Variants in RALGPS1 observed in about 807,000 individuals in gnomAD.
RALGPS1 encodes Ral GEF with PH domain and SH3 binding motif 1.
Under a neutral mutation model 78.8 loss-of-function variants are expected in RALGPS1, and 19 were observed. The observed-to-expected ratio is 0.24, with a 90% confidence interval of 0.17 to 0.35. RALGPS1 has a LOEUF of 0.35. RALGPS1 is among the 10% of genes least tolerant of loss of function. The pLI, the probability that RALGPS1 is intolerant of heterozygous loss-of-function variation, is 1.00. For synonymous variants in RALGPS1, 228 were observed against 256.3 expected (o/e 0.89, Z 1.06); for missense variants, 454 against 688.3 (o/e 0.66, Z 3.81).
At chr9:127,020,478 CA>C (rs2045337979) in intron 4 of RALGPS1, among the ~76,000 whole-genome samples, 1 of 152,122 alleles carries the variant, frequency 6.6e-6, no homozygotes, top group Non-Finnish European at 1.5e-5. Flanking sequence ...TGCAGAAAAC[CA>C]AAGTAATAAA....
At chr9:127,173,150 G>C (rs1275693710) in intron 10 of RALGPS1, among the ~76,000 whole-genome samples, 1 of 152,216 alleles carries the variant, frequency 6.6e-6, no homozygotes, top group African/African-American at 2.4e-5. Context: ...TTTCACATAT[G>C]TGTGTTCTGG....
chr9:127,118,095 A>G (rs901174291), intron 8 of RALGPS1, among the ~76,000 whole-genome samples: 2 of 152,178 alleles, frequency 1.3e-5, no homozygotes, highest in Non-Finnish European at 2.9e-5. Flanking sequence ...TTGCTCTATC[A>G]CCAGACTGGA....
chr9:127,021,627 C>CTTTTT (rs58796181), intron 4 of RALGPS1, among the ~76,000 whole-genome samples: 1 of 131,998 alleles, frequency 7.6e-6, no homozygotes, highest in Admixed American at 7.5e-5. Context: ...TCTTCTTCTT[C>CTTTTT]TTTTTTTTTT....
At chr9:127,056,987 A>G (rs1214455769) in intron 7 of RALGPS1, among the ~76,000 whole-genome samples, 1 of 152,206 alleles carries the variant, frequency 6.6e-6, no homozygotes, top group Non-Finnish European at 1.5e-5. Flanking sequence ...CAGCCATAAC[A>G]TCCCCAAAGG....
At chr9:126,985,407 T>C (rs898005577) in intron 4 of RALGPS1, among the ~76,000 whole-genome samples, 1 of 152,168 alleles carries the variant, frequency 6.6e-6, no homozygotes, top group Non-Finnish European at 1.5e-5. Context: ...GATTTGAGGA[T>C]TGCTCGTTAT....
At chr9:127,087,423 C>T (rs1331509061) in intron 8 of RALGPS1, 2 of 152,574 alleles carry the variant, frequency 1.3e-5, no homozygotes, top group Admixed American at 6.5e-5. Flanking sequence ...AAAAACCCTC[C>T]CTTTTATATA....
chr9:126,921,598 T>C (rs569995985), intron 1 of RALGPS1, among the ~76,000 whole-genome samples: 4 of 152,226 alleles, frequency 2.6e-5, no homozygotes, highest in Non-Finnish European at 5.9e-5. Context: ...CTCCTGAGCA[T>C]CAGAGAGGCA....
At chr9:127,129,661 G>A (rs2056874071) in intron 8 of RALGPS1, among the ~76,000 whole-genome samples, 2 of 152,218 alleles carry the variant, frequency 1.3e-5, no homozygotes, top group South Asian at 2.1e-4. Flanking sequence ...GACAACAGGG[G>A]CTGCTGGCAG....
At position 127,069,202 on chromosome 9, in the gene RALGPS1, A is replaced by G. The variant is rs369144968; in HGVS notation, c.484-28A>G. On this transcript the variant is annotated intron_variant, in intron 7 of 18. Coordinates refer to ENST00000259351, the MANE Select transcript of RALGPS1 (RefSeq NM_014636.3). ...CTCTTTAGCTTCTTCTGGTTTACTT[A>G]TTTTGCTATATTTTCTTCTCATTCT... 5.3e-5 allele frequency: 84 copies of G among 1,575,628 alleles called. 1 individual carries two copies. The Middle Eastern group carries it at 1.2e-3, about 22-fold the overall frequency.
chr9:127,086,448 A>G (rs923755492), intron 8 of RALGPS1, among the ~76,000 whole-genome samples: 1 of 152,126 alleles, frequency 6.6e-6, no homozygotes, highest in African/African-American at 2.4e-5. Context: ...TCCTTCACTT[A>G]TAGCACCTCT....
chr9:127,216,378 CG>C (rs1242886327), intron 18 of RALGPS1, among the ~76,000 whole-genome samples: 3 of 152,206 alleles, frequency 2.0e-5, no homozygotes, highest in African/African-American at 7.2e-5. Context: ...CATCTGACTT[CG>C]GGGAATTTGT....
chr9:127,047,033 G>A (rs1209527079), intron 5 of RALGPS1, among the ~76,000 whole-genome samples: 1 of 150,726 alleles, frequency 6.6e-6, no homozygotes, highest in Non-Finnish European at 1.5e-5. Context: ...CCTGTGTATG[G>A]CAACATGGAT....
chr9:126,974,152 G>T (rs2040384861), intron 3 of RALGPS1, among the ~76,000 whole-genome samples: 1 of 152,180 alleles, frequency 6.6e-6, no homozygotes. Flanking sequence ...ATGATTACAG[G>T]CATGAACCAC....
At chr9:127,021,190 C>T (rs1032945962) in intron 4 of RALGPS1, among the ~76,000 whole-genome samples, 2 of 152,030 alleles carry the variant, frequency 1.3e-5, no homozygotes, top group Non-Finnish European at 2.9e-5. Context: ...GAGTTTAAGG[C>T]CAGCCTAAGC....
intron 5 of RALGPS1, among the ~76,000 whole-genome samples, chr9:127,047,812 C>CT (rs1327289850): frequency 1.3e-5 from 2 of 151,976 alleles, no homozygotes; most frequent in East Asian, 3.8e-4. Context: ...TTACGACTTA[C>CT]TTTTGTACTT....
At chr9:126,957,889 A>T (rs2038486642) in intron 1 of RALGPS1, among the ~76,000 whole-genome samples, 1 of 151,890 alleles carries the variant, frequency 6.6e-6, no homozygotes, top group African/African-American at 2.4e-5. Flanking sequence ...CTATAATCCC[A>T]GCACTTTGGG....
In RALGPS1 at chr9:127,212,671, C is replaced by T. The variant is rs1296770006; in HGVS notation, c.1398C>T (p.Thr466=). ...TRYWVILSGS[T]LLYYGAKSLR... ...ACTGGGTCATACTCTCAGGATCCAC[C>T]CTCCTGTACTACGGAGCCAAGTCCT... is the stretch of plus-strand genomic sequence containing the variant. The change falls in exon 16 of 19, where the codon ACC becomes ACT. Residue 466 remains threonine, a synonymous_variant. Transcript: ENST00000259351. This position sits in a 1 kb window ranked among gnomAD's most constrained non-coding sequence, Gnocchi z 6.0. 3.7e-6 allele frequency: 6 copies of T among 1,613,598 alleles called. No individual in the cohort carries two copies. In the East Asian group the frequency reaches 1.3e-4, roughly 36 times the overall value.
chr9:127,038,105 T>A (rs1016947830), intron 5 of RALGPS1, among the ~76,000 whole-genome samples: 10 of 152,226 alleles, frequency 6.6e-5, no homozygotes, highest in African/African-American at 2.4e-4. Context: ...ACCTTGTCAC[T>A]CTCAAGTCCT....
At chr9:127,168,595 TA>T in intron 9 of RALGPS1, 83 bp from the exon 10 acceptor site, 1 of 982,756 alleles carries the variant, frequency 1.0e-6, no homozygotes, top group Non-Finnish European at 1.6e-6. Flanking sequence ...TGGGAGCATC[TA>T]AAATCATGAT....
Sources: gnomAD v4.1 joint callset for allele counts (sites outside exome capture counted in the v4.1 genomes callset) on GRCh38, gnomAD v4.1.1 for gene constraint, Gnocchi (gnomAD v3.1) non-coding constraint, MANE v1.5 for transcripts, NCBI Gene and HGNC (gene_info 2026-07-23, HGNC 2026-07-21) for gene names.